Variants in RASEF observed in about 807,000 individuals in gnomAD.
The protein encoded by RASEF is RAS and EF-hand domain containing.
RASEF carries 68 observed loss-of-function variants against 90.1 expected under a neutral mutation model. That is an observed-to-expected ratio of 0.75 (90% CI 0.62 to 0.92). The LOEUF (loss-of-function observed/expected upper bound fraction) is 0.92. Ranked by LOEUF, RASEF falls within the 40% of genes least tolerant of loss-of-function variation. RASEF has a pLI of 0.00. For synonymous variants in RASEF, 331 were observed against 345.2 expected (o/e 0.96, Z 0.46); for missense variants, 949 against 937.2 (o/e 1.01, Z -0.16).
chr9:83,073,712 T>C, the RASEF span, among the ~76,000 whole-genome samples: 1 of 152,244 alleles, frequency 6.6e-6, no homozygotes, highest in Non-Finnish European at 1.5e-5. Context: ...AAAATATTCC[T>C]TCTAGAGCTA....
At chr9:83,147,801 C>G in the RASEF span, among the ~76,000 whole-genome samples, 1 of 151,992 alleles carries the variant, frequency 6.6e-6, no homozygotes, top group Non-Finnish European at 1.5e-5. Context: ...GGAGGTGGCT[C>G]TCAGCAGGAT....
intron 7 of RASEF, among the ~76,000 whole-genome samples, 168 bp downstream of exon 7, chr9:83,007,269 T>C (rs1309375996): frequency 6.6e-6 from 1 of 152,064 alleles, no homozygotes; most frequent in East Asian, 1.9e-4. Flanking sequence ...ATTATAAGCA[T>C]CAGAAAGCTA....
chr9:83,109,238 A>G, the RASEF span, among the ~76,000 whole-genome samples: 3 of 152,346 alleles, frequency 2.0e-5, no homozygotes, highest in East Asian at 5.8e-4. Context: ...TGAGTAATAA[A>G]GAAATGGATG....
the RASEF span, among the ~76,000 whole-genome samples, chr9:83,158,634 A>G: frequency 6.9e-6 from 1 of 145,184 alleles, no homozygotes; most frequent in Non-Finnish European, 1.5e-5. Flanking sequence ...ACATATGTAT[A>G]TATGTATATA....
the RASEF span, among the ~76,000 whole-genome samples, chr9:83,075,794 T>C: frequency 3.3e-5 from 5 of 151,872 alleles, no homozygotes; most frequent in East Asian, 9.7e-4. Context: ...TTCATCTATA[T>C]TTAGAAAAAA....
In RASEF at chr9:82,982,253, T is replaced by C. The variant is rs1292971407; in HGVS notation, c.*424A>G. ...TCACAAGGCCAGTTAACAGCAAAGCTAGGATGAGAATCCCTTCTTACTAGA... is the reference window on the plus strand; with the variant it reads ...TCACAAGGCCAGTTAACAGCAAAGCCAGGATGAGAATCCCTTCTTACTAGA... On this transcript the variant is annotated 3_prime_UTR_variant, in exon 17 of 17. Transcript: ENST00000376447. The C allele has an allele frequency of 4.4e-5, 7 of 157,522 alleles. No individual in the cohort carries two copies. Among genetic ancestry groups the C allele is most frequent in the Admixed American group, 1.9e-4 (3 of 16,000 alleles). 9.8% of individuals were successfully genotyped at this position (157,522 alleles called of 1,614,324 possible).
chr9:83,181,600 CA>C, the RASEF span, among the ~76,000 whole-genome samples: 2 of 152,082 alleles, frequency 1.3e-5, no homozygotes, highest in East Asian at 3.8e-4. Context: ...CCTCTTTTTC[CA>C]GGCCCAAGAA....
At chr9:83,076,545 GATTTT>G in the RASEF span, among the ~76,000 whole-genome samples, 1 of 149,216 alleles carries the variant, frequency 6.7e-6, no homozygotes, top group Admixed American at 6.7e-5. Context: ...AGATAAGGTA[GATTTT>G]ATTATGTCCT....
At chr9:83,049,253 T>G (rs1829995937) in intron 1 of RASEF, 1 of 948,916 alleles carries the variant, frequency 1.1e-6, no homozygotes, top group Non-Finnish European at 1.3e-6. Flanking sequence ...CATCAGTACA[T>G]TTCTAAAATC....
chr9:83,022,265 G>T, intron 3 of RASEF, 71 bp downstream of exon 3: 2 of 1,128,552 alleles, frequency 1.8e-6, no homozygotes, highest in Non-Finnish European at 1.3e-6. Context: ...ACCCAGAAGA[G>T]TGCCTGGGCC....
intron 12 of RASEF, among the ~76,000 whole-genome samples, chr9:82,998,808 C>T (rs908761581): frequency 2.0e-5 from 3 of 151,572 alleles, no homozygotes; most frequent in East Asian, 1.9e-4. Context: ...CAGGTGTATA[C>T]GTGTGTGTAT....
chr9:83,177,469 A>T, the RASEF span, among the ~76,000 whole-genome samples: 1 of 152,094 alleles, frequency 6.6e-6, no homozygotes, highest in Non-Finnish European at 1.5e-5. Context: ...TCCTGGATAT[A>T]AGGTTCTTGG....
At chr9:83,114,741 G>A in the RASEF span, among the ~76,000 whole-genome samples, 11 of 152,122 alleles carry the variant, frequency 7.2e-5, no homozygotes, top group African/African-American at 1.2e-4. Flanking sequence ...AGAAATTCCC[G>A]CCTAATAAAT....
rs565393319 is a variant in RASEF at position 82,982,580 on chromosome 9, G to T, written c.*97C>A. On this transcript the variant is annotated 3_prime_UTR_variant, in exon 17 of 17. Transcript: ENST00000376447. ...CTGCACTGTAACTCTCCATAGGACA[G>T]TGTCAGTAGGATGTGCCACTCTGTT... The T allele has an allele frequency of 2.1e-5, 16 of 753,914 alleles. No individual in the cohort carries two copies. Among genetic ancestry groups the T allele is most frequent in the African/African-American group, 1.4e-4 (8 of 58,694 alleles). The allele number at this position is 753,914 out of a possible 1,614,324, so 46.7% of individuals were successfully genotyped here. A position where few individuals can be genotyped will look rare whatever the true frequency, so the allele number is the denominator to read the frequency against.
At chr9:83,196,507 C>T in the RASEF span, among the ~76,000 whole-genome samples, 1 of 152,134 alleles carries the variant, frequency 6.6e-6, no homozygotes, top group Non-Finnish European at 1.5e-5. Flanking sequence ...AAAAAGGTCT[C>T]GTATGTGGGT....
chr9:83,030,067 A>C (rs773005063), intron 1 of RASEF, among the ~76,000 whole-genome samples: 3 of 152,228 alleles, frequency 2.0e-5, no homozygotes, highest in Non-Finnish European at 4.4e-5. Context: ...GGGTGTCATT[A>C]AGATACTGTC....
the RASEF span, among the ~76,000 whole-genome samples, chr9:83,159,121 GC>G: frequency 6.7e-6 from 1 of 150,004 alleles, no homozygotes; most frequent in Non-Finnish European, 1.5e-5. Flanking sequence ...AGGAGGCGGA[GC>G]TTGCAGTGAG....
At chr9:82,989,987 A>T (rs7032397) in intron 16 of RASEF, among the ~76,000 whole-genome samples, 193 of 152,328 alleles carry the variant, frequency 1.3e-3, no homozygotes, top group African/African-American at 4.5e-3. Flanking sequence ...AATTCTGACA[A>T]AGTGTTTCTA....
chr9:83,213,918 C>T, the RASEF span, among the ~76,000 whole-genome samples: 12 of 152,260 alleles, frequency 7.9e-5, no homozygotes, highest in African/African-American at 2.6e-4. Context: ...TGGTACAGCA[C>T]ATTAAAAATA....
Sources: gnomAD v4.1 joint callset for allele counts (sites outside exome capture counted in the v4.1 genomes callset) on GRCh38, gnomAD v4.1.1 for gene constraint, MANE v1.5 for transcripts, NCBI Gene and HGNC (gene_info 2026-07-23, HGNC 2026-07-21) for gene names.